GALNT13: variants seen among roughly 807,000 people sequenced by gnomAD.
GALNT13 encodes the protein UDP-GalNAc:polypeptide N-acetylgalactosaminyltransferase 13.
A neutral mutation model predicts 64.2 loss-of-function variants in GALNT13; 28 were observed. The ratio of observed to expected loss-of-function variants is 0.44; its 90% confidence interval spans 0.32 to 0.60. The LOEUF is 0.60. GALNT13 is among the 20% of genes least tolerant of loss of function. The pLI, the probability that GALNT13 is intolerant of heterozygous loss-of-function variation, is 0.05. For synonymous variants in GALNT13, 214 were observed against 224.6 expected (o/e 0.95, Z 0.42); for missense variants, 577 against 669.8 (o/e 0.86, Z 1.53).
At chr2:153,370,316 T>C in the GALNT13 span, among the ~76,000 whole-genome samples, 2 of 152,152 alleles carry the variant, frequency 1.3e-5, no homozygotes, top group Non-Finnish European at 2.9e-5. Context: ...TCCCAACTCA[T>C]CTTATGAGAC....
At chr2:153,698,971 C>T in the GALNT13 span, among the ~76,000 whole-genome samples, 6 of 152,204 alleles carry the variant, frequency 3.9e-5, no homozygotes, top group Admixed American at 2.0e-4. Flanking sequence ...ACACCTGTAA[C>T]CCCAGCACTT....
chr2:153,539,778 C>G, the GALNT13 span, among the ~76,000 whole-genome samples: 46 of 151,908 alleles, frequency 3.0e-4, no homozygotes, highest in African/African-American at 1.1e-3. Context: ...CAGTACCATG[C>G]TGTTTTGGTT....
chr2:153,165,235 G>A, the GALNT13 span, among the ~76,000 whole-genome samples: 3 of 152,136 alleles, frequency 2.0e-5, no homozygotes, highest in African/African-American at 7.2e-5. Flanking sequence ...ATAAAACTGT[G>A]GTGAAAGATA....
chr2:153,922,210 G>A (rs1366475817), intron 2 of GALNT13, among the ~76,000 whole-genome samples: 3 of 152,086 alleles, frequency 2.0e-5, no homozygotes, highest in African/African-American at 7.2e-5. Flanking sequence ...AGGAAGGGGA[G>A]TCATACCAAT....
At chr2:153,231,850 G>T in the GALNT13 span, among the ~76,000 whole-genome samples, 2,043 of 152,174 alleles carry the variant, frequency 0.013, 20 homozygotes, top group Middle Eastern at 0.058. Flanking sequence ...GTCCCACCAA[G>T]AAAGGGATGT....
rs185515434 is a variant in GALNT13 at position 154,448,196 on chromosome 2, C to T, written c.1531-2215C>T. On this transcript the variant is annotated intron_variant, in intron 12 of 12. Coordinates refer to ENST00000392825, the MANE Select transcript of GALNT13 (RefSeq NM_052917.4). ...TTACAAGTCTGCATTTAGAAAAGCC[C>T]GAAGTTTGCTTTTCTGTTAGTATAT... Among the ~76,000 whole-genome samples, 360 of 152,038 alleles carry T rather than the reference C, an allele frequency of 2.4e-3. 1 individual carries two copies. Among genetic ancestry groups the T allele is most frequent in the African/African-American group, 7.6e-3 (317 of 41,516 alleles).
the GALNT13 span, among the ~76,000 whole-genome samples, chr2:153,073,911 T>C: frequency 2.6e-5 from 4 of 152,292 alleles, no homozygotes; most frequent in African/African-American, 9.6e-5. Context: ...TTGTATTACT[T>C]TGATAGATTC....
the GALNT13 span, among the ~76,000 whole-genome samples, chr2:153,612,628 A>AAAAC: frequency 1.6e-3 from 227 of 144,692 alleles, no homozygotes; most frequent in Non-Finnish European, 1.9e-3. Flanking sequence ...TATCAATAAG[A>AAAAC]AAACAAAGAA....
the GALNT13 span, among the ~76,000 whole-genome samples, chr2:153,083,764 T>C: frequency 2.6e-5 from 4 of 152,222 alleles, no homozygotes; most frequent in African/African-American, 9.6e-5. Context: ...TATTTACCTT[T>C]GTTTTTGTTG....
the GALNT13 span, among the ~76,000 whole-genome samples, chr2:153,564,173 G>A: frequency 5.3e-5 from 8 of 151,114 alleles, no homozygotes; most frequent in Non-Finnish European, 1.2e-4. Context: ...AGATTTTTTT[G>A]CAGATGTCCA....
the GALNT13 span, among the ~76,000 whole-genome samples, chr2:153,248,492 G>T: frequency 1.5e-5 from 2 of 133,238 alleles, no homozygotes; most frequent in African/African-American, 6.1e-5. Flanking sequence ...TGCAGAAAAG[G>T]CGTGAGATAA....
At chr2:153,186,301 G>A in the GALNT13 span, among the ~76,000 whole-genome samples, 1 of 151,582 alleles carries the variant, frequency 6.6e-6, no homozygotes, top group African/African-American at 2.4e-5. Flanking sequence ...TTTCCCATTT[G>A]CTTAGTAATT....
chr2:154,239,915 G>T (rs1689392264), intron 4 of GALNT13, among the ~76,000 whole-genome samples: 1 of 151,852 alleles, frequency 6.6e-6, no homozygotes, highest in South Asian at 2.1e-4. Flanking sequence ...ACATTTTATT[G>T]TATTTTTTTC....
chr2:153,639,503 A>T, the GALNT13 span, among the ~76,000 whole-genome samples: 803 of 152,314 alleles, frequency 5.3e-3, 8 homozygotes, highest in African/African-American at 0.018. Context: ...CACCAAGAAT[A>T]AAACAAGGTT....
chr2:153,161,819 C>T, the GALNT13 span, among the ~76,000 whole-genome samples: 1 of 152,146 alleles, frequency 6.6e-6, no homozygotes, highest in African/African-American at 2.4e-5. Context: ...TATAATGCCT[C>T]TGTTACTTGG....
chr2:153,274,650 A>G, the GALNT13 span, among the ~76,000 whole-genome samples: 2 of 152,066 alleles, frequency 1.3e-5, no homozygotes, highest in African/African-American at 4.8e-5. Flanking sequence ...TATATAGCAG[A>G]CTCTGCATTT....
chr2:154,223,472 ACAGAGTTTTGCTCTTGCTGCC>A (rs1688430190), intron 4 of GALNT13, among the ~76,000 whole-genome samples: 1 of 116,086 alleles, frequency 8.6e-6, no homozygotes, highest in Non-Finnish European at 1.8e-5. Context: ...TTTTTTTGAG[ACAGAGTTTTGCTCTTGCTGCC>A]CAGGCTAGAG....
At chr2:154,319,976 A>G (rs1248349283) in intron 9 of GALNT13, among the ~76,000 whole-genome samples, 1 of 152,142 alleles carries the variant, frequency 6.6e-6, no homozygotes, top group East Asian at 1.9e-4. Flanking sequence ...TGACATATAT[A>G]TACATATCCC....
chr2:154,148,610 T>C (rs1235547076), intron 4 of GALNT13, among the ~76,000 whole-genome samples: 9 of 152,192 alleles, frequency 5.9e-5, no homozygotes, highest in South Asian at 4.2e-4. Flanking sequence ...TTTTTAATGA[T>C]TGCCATTCTA....
Sources: gnomAD v4.1 joint callset for allele counts (sites outside exome capture counted in the v4.1 genomes callset) on GRCh38, gnomAD v4.1.1 for gene constraint, MANE v1.5 for transcripts, NCBI Gene and HGNC (gene_info 2026-07-23, HGNC 2026-07-21) for gene names.